CADM2: variants seen among roughly 807,000 people sequenced by gnomAD.
The protein encoded by CADM2 is immunoglobulin superfamily member 4D.
Under a neutral mutation model 49.8 loss-of-function variants are expected in CADM2, and 12 were observed. The observed-to-expected ratio is 0.24, with a 90% CI of 0.15 to 0.39. CADM2 has a LOEUF of 0.39. Ranked by LOEUF, CADM2 falls within the 10% of genes least tolerant of loss-of-function variation. The pLI, the probability that CADM2 is intolerant of heterozygous loss-of-function variation, is 1.00. For missense variants in CADM2, 378 were observed against 492.3 expected, an observed-to-expected ratio of 0.77 and a Z score of 2.20; for synonymous variants, 214 against 175.4, an observed-to-expected ratio of 1.22 and a Z score of -1.74.
chr3:85,394,205 A>C (rs1176934651), intron 1 of CADM2, among the ~76,000 whole-genome samples: 1 of 152,216 alleles, frequency 6.6e-6, no homozygotes, highest in Non-Finnish European at 1.5e-5. Context: ...TTATTCTTTT[A>C]TAGTTGATAT....
intron 3 of CADM2, among the ~76,000 whole-genome samples, chr3:85,863,426 T>C (rs1465742976): frequency 6.6e-6 from 1 of 152,168 alleles, no homozygotes; most frequent in African/African-American, 2.4e-5. Flanking sequence ...CATTGGGAGA[T>C]GAGGCCTTTA....
intron 1 of CADM2, among the ~76,000 whole-genome samples, chr3:85,027,257 A>G (rs2034776974): frequency 6.6e-6 from 1 of 151,122 alleles, no homozygotes; most frequent in Non-Finnish European, 1.5e-5. Context: ...TAGGACGTCA[A>G]GCGCCCGCCA....
intron 1 of CADM2, among the ~76,000 whole-genome samples, chr3:85,130,884 T>C (rs796451320): frequency 6.6e-6 from 1 of 152,326 alleles, no homozygotes; most frequent in East Asian, 1.9e-4. Context: ...TTTATAGCTA[T>C]ATGAAAACAA....
intron 1 of CADM2, among the ~76,000 whole-genome samples, chr3:85,101,027 A>C (rs1399377345): frequency 6.6e-6 from 1 of 152,104 alleles, no homozygotes; most frequent in Non-Finnish European, 1.5e-5. Context: ...AGGCCAAGGC[A>C]GGCGGATCAC....
rs1204877511 is a variant in CADM2, at chr3:85,751,171, A to C, written c.88+24623A>C. 2.0e-5 allele frequency among the ~76,000 whole-genome samples: 3 copies of C among 152,032 alleles called. No individual in the cohort carries two copies. The East Asian group carries it at 5.8e-4, about 29-fold the overall frequency. On this transcript the variant is annotated intron_variant, in intron 2 of 9. Coordinates refer to ENST00000383699, the MANE Select transcript of CADM2 (RefSeq NM_001167675.2). Reference sequence around the variant, plus strand: ...AACTGGGTAGGGGCAATGGTGGTGGAGGTGATAGAAAAGAACCTAAGATAA... The same window carrying C: ...AACTGGGTAGGGGCAATGGTGGTGGCGGTGATAGAAAAGAACCTAAGATAA...
chr3:85,456,637 T>C (rs958602600), intron 1 of CADM2, among the ~76,000 whole-genome samples: 5 of 152,130 alleles, frequency 3.3e-5, no homozygotes, highest in African/African-American at 1.2e-4. Context: ...TATTTATTAA[T>C]TACTCAAATA....
chr3:85,287,310 T>C (rs570461629), intron 1 of CADM2, among the ~76,000 whole-genome samples: 1 of 152,148 alleles, frequency 6.6e-6, no homozygotes, highest in Admixed American at 6.6e-5. Context: ...CCATACTGAC[T>C]GTTTGTGAAG....
chr3:85,969,315 T>C (rs1409192515), intron 8 of CADM2, among the ~76,000 whole-genome samples: 1 of 151,432 alleles, frequency 6.6e-6, no homozygotes, highest in Non-Finnish European at 1.5e-5. Context: ...CACACCCACT[T>C]CTGTCTCTCT....
At chr3:85,109,306 G>A (rs1215310614) in intron 1 of CADM2, among the ~76,000 whole-genome samples, 1 of 151,786 alleles carries the variant, frequency 6.6e-6, no homozygotes, top group African/African-American at 2.4e-5. Flanking sequence ...GAAATCGCAA[G>A]TGAAAATAGA....
At chr3:85,449,123 G>A (rs768623420) in intron 1 of CADM2, among the ~76,000 whole-genome samples, 1 of 148,626 alleles carries the variant, frequency 6.7e-6, no homozygotes, top group Non-Finnish European at 1.5e-5. Flanking sequence ...TATTCTCCTG[G>A]AATATTTGTA....
chr3:85,441,724 G>A (rs115402825), intron 1 of CADM2, among the ~76,000 whole-genome samples: 4 of 151,852 alleles, frequency 2.6e-5, no homozygotes, highest in East Asian at 2.0e-4. Context: ...CACAGTGGTG[G>A]CAAAAAGATA....
At chr3:85,452,764 C>A (rs893619691) in intron 1 of CADM2, among the ~76,000 whole-genome samples, 1 of 152,102 alleles carries the variant, frequency 6.6e-6, no homozygotes, top group Non-Finnish European at 1.5e-5. Context: ...AGATGTGATT[C>A]GCTACACAGT....
intron 1 of CADM2, among the ~76,000 whole-genome samples, chr3:84,992,652 CAAAT>C (rs2032958128): frequency 6.6e-6 from 1 of 151,986 alleles, no homozygotes; most frequent in African/African-American, 2.4e-5. Context: ...AATTAATAAA[CAAAT>C]AACTAGTTTT....
chr3:85,753,345 A>T (rs2068951440), intron 2 of CADM2, among the ~76,000 whole-genome samples: 1 of 152,126 alleles, frequency 6.6e-6, no homozygotes. Context: ...GGTAAAAGAA[A>T]ATAAGTATCA....
At chr3:85,610,770 G>A (rs968399363) in intron 1 of CADM2, among the ~76,000 whole-genome samples, 1 of 151,846 alleles carries the variant, frequency 6.6e-6, no homozygotes, top group Admixed American at 6.6e-5. Context: ...GATTGTTAAG[G>A]TGACATATCA....
At chr3:85,828,085 G>C (rs1458294317) in intron 3 of CADM2, 1 of 151,930 alleles carries the variant, frequency 6.6e-6, no homozygotes, top group Non-Finnish European at 1.5e-5. Context: ...GCTTAGGTGG[G>C]CAGGTACCAC....
intron 1 of CADM2, among the ~76,000 whole-genome samples, chr3:85,168,591 GATT>G (rs2040534320): frequency 6.6e-6 from 1 of 152,032 alleles, no homozygotes; most frequent in South Asian, 2.1e-4. Context: ...TGTTCATACT[GATT>G]ATATTTGGTA....
intron 1 of CADM2, among the ~76,000 whole-genome samples, chr3:85,658,207 G>A (rs2065269860): frequency 6.6e-6 from 1 of 151,886 alleles, no homozygotes; most frequent in Admixed American, 6.6e-5. Flanking sequence ...TCCCCAAAAG[G>A]GAAATTTGGA....
chr3:85,379,344 G>A (rs1415552386), intron 1 of CADM2, among the ~76,000 whole-genome samples: 2 of 151,882 alleles, frequency 1.3e-5, no homozygotes, highest in Non-Finnish European at 2.9e-5. Context: ...GTTTTAAACT[G>A]TAGAGTTTAG....
Sources: allele counts gnomAD v4.1 joint callset (sites outside exome capture counted in the v4.1 genomes callset), GRCh38; gene constraint gnomAD v4.1.1; transcripts MANE v1.5; gene names NCBI Gene and HGNC (gene_info 2026-07-23, HGNC 2026-07-21).